The following TCERG1 variants were observed in gnomAD, a reference collection of about 807,000 sequenced individuals.
TCERG1 encodes the protein TATA box binding protein (TBP)-associated factor, RNA polymerase II, S, 150kD.
Under a neutral mutation model 144.7 loss-of-function variants are expected in TCERG1, and 37 were observed. The ratio of observed to expected loss-of-function variants is 0.26; its 90% CI spans 0.20 to 0.34. The LOEUF is 0.34. Among genes scored for constraint, TCERG1 ranks in the 10% least tolerant of loss-of-function variants. TCERG1 has a pLI of 1.00. For synonymous variants in TCERG1, 492 were observed against 458.2 expected, an observed-to-expected ratio of 1.07 and a Z score of -0.94; for missense variants, 1,027 against 1,380.7, an observed-to-expected ratio of 0.74 and a Z score of 4.06.
At chr5:146,467,172 T>G (rs1763871248) in intron 5 of TCERG1, among the ~76,000 whole-genome samples, 1 of 152,192 alleles carries the variant, frequency 6.6e-6, no homozygotes, top group African/African-American at 2.4e-5. Context: ...AAGGTACTTT[T>G]CAATAATTGA....
intron 1 of TCERG1, among the ~76,000 whole-genome samples, chr5:146,449,328 A>C (rs1447015496): frequency 6.6e-6 from 1 of 152,336 alleles, no homozygotes; most frequent in Non-Finnish European, 1.5e-5. Flanking sequence ...AGGTGCTGGT[A>C]ATAGTGCCCT....
chr5:146,469,785 G>A, intron 7 of TCERG1, 41 bp downstream of exon 7: 3 of 1,349,488 alleles, frequency 2.2e-6, no homozygotes, highest in Non-Finnish European at 2.0e-6. Flanking sequence ...AGTATAAACT[G>A]TAATAAGTAG....
intron 17 of TCERG1, chr5:146,503,158 A>G: frequency 3.5e-6 from 1 of 282,026 alleles, no homozygotes; most frequent in Non-Finnish European, 6.5e-6. Flanking sequence ...CAAATTTTAG[A>G]TGAAAGCCTA....
chr5:146,508,023 T>C, intron 21 of TCERG1, 67 bp downstream of exon 21: 1 of 1,100,054 alleles, frequency 9.1e-7, no homozygotes. Context: ...CTAACAGCAC[T>C]ACTATCTTAA....
rs1382227618 is a variant in TCERG1 at position 146,507,829 on chromosome 5, A to AAAAGTGAG, written c.2962-43_2962-36dup. The AAAAGTGAG allele has an allele frequency of 7.1e-7, 1 of 1,417,988 alleles. No individual in the cohort carries two copies. Among genetic ancestry groups the AAAAGTGAG allele is most frequent in the South Asian group, 1.2e-5 (1 of 80,682 alleles). The allele number at this position is 1,417,988 out of a possible 1,614,324, so 87.8% of individuals were successfully genotyped here. On this transcript the variant is annotated intron_variant, in intron 20 of 22. Transcript: ENST00000679501. This position sits in a 1 kb window ranked among gnomAD's most constrained non-coding sequence, Gnocchi z 4.6. ...TGTGCTGCAGTTTGACTCCCTAAGT[A>AAAAGTGAG]AAAGTGAGTTGTATTTATGTTTTTT...
At chr5:146,492,482 T>C (rs192468431) in intron 15 of TCERG1, among the ~76,000 whole-genome samples, 126 of 152,280 alleles carry the variant, frequency 8.3e-4, no homozygotes, top group African/African-American at 2.9e-3. Context: ...GGGGGAAATA[T>C]AGAATAGATG....
chr5:146,462,903 TA>T (rs1763459446), intron 4 of TCERG1, among the ~76,000 whole-genome samples: 1 of 152,202 alleles, frequency 6.6e-6, no homozygotes, highest in African/African-American at 2.4e-5. Flanking sequence ...ATATTAATAG[TA>T]AAATGTGAAA....
intron 15 of TCERG1, among the ~76,000 whole-genome samples, chr5:146,490,190 A>C (rs1345408373): frequency 6.6e-6 from 1 of 152,184 alleles, no homozygotes; most frequent in Non-Finnish European, 1.5e-5. Flanking sequence ...CATGTCTAGC[A>C]GGGGACTGGT....
Position 146,459,024 on chromosome 5 carries a change from C to G in TCERG1, c.579C>G (p.Ala193=). The stretch of plus-strand genomic sequence containing the variant: ...CTCAGGCCCAGGCGCAGGCTCAGGC[C>G]CAGGCGCAGGCTCAGGCCCAGGCAC... ...VQAQAQAQAQ[A]QAQAQAQAQA... is the part of the protein sequence containing the mutation. The change falls in exon 4 of 23, where the codon GCC becomes GCG. Residue 193 remains alanine (A), a synonymous_variant. Coordinates refer to ENST00000679501, the MANE Select transcript of TCERG1 (RefSeq NM_001382548.1). 6.2e-7 allele frequency: 1 copy of G among 1,613,202 alleles called. No homozygotes were observed. Among genetic ancestry groups the G allele is most frequent in the Non-Finnish European group, 8.5e-7 (1 of 1,179,534 alleles).
At chr5:146,501,514 A>G (rs1419187556) in intron 17 of TCERG1, among the ~76,000 whole-genome samples, 1 of 152,214 alleles carries the variant, frequency 6.6e-6, no homozygotes, top group Non-Finnish European at 1.5e-5. Flanking sequence ...AATTGTTTTA[A>G]GCTAATACAA....
intron 2 of TCERG1, among the ~76,000 whole-genome samples, chr5:146,456,528 A>AT (rs1762851580): frequency 6.6e-6 from 1 of 152,202 alleles, no homozygotes; most frequent in African/African-American, 2.4e-5. Flanking sequence ...TAGATATTTT[A>AT]TATAACCTAG....
chr5:146,469,747 A>G lies in TCERG1; in HGVS notation c.1399+3A>G. The G allele has an allele frequency of 6.4e-7, 1 of 1,574,380 alleles. No individual in the cohort carries two copies. Among genetic ancestry groups the G allele is most frequent in the Non-Finnish European group, 8.6e-7 (1 of 1,162,132 alleles). On this transcript the variant is annotated splice_donor_region_variant and intron_variant, in intron 7 of 22. Transcript: ENST00000679501. The stretch of plus-strand genomic sequence containing the variant: ...ACCCCAAGAACTAAAGGAAAAAGGT[A>G]TATAGTGGTTTTAATGACTTGGAAA...
At chr5:146,470,849 T>C (rs1764224063) in intron 8 of TCERG1, 101 bp downstream of exon 8, 2 of 833,348 alleles carry the variant, frequency 2.4e-6, no homozygotes, top group East Asian at 3.1e-5. Context: ...ATAATTGTTA[T>C]AAATTTGATC....
At chr5:146,485,856 G>A (rs1044912694) in intron 15 of TCERG1, among the ~76,000 whole-genome samples, 4 of 151,982 alleles carry the variant, frequency 2.6e-5, no homozygotes, top group African/African-American at 9.7e-5. Flanking sequence ...CACCATGCCC[G>A]GCTAATTTTT....
rs546601229 is a variant in TCERG1 at position 146,459,087 on chromosome 5, G to A, written c.642G>A (p.Gln214=). 4.6e-6 allele frequency: 7 copies of A among 1,523,764 alleles called. No individual in the cohort carries two copies. The highest frequency in any genetic ancestry group is 6.3e-6 in the Non-Finnish European group (7 of 1,107,928). 94.4% of individuals were successfully genotyped at this position (1,523,764 alleles called of 1,614,324 possible). A position where few individuals can be genotyped will look rare whatever the true frequency, so the allele number is the denominator to read the frequency against. The change falls in exon 4 of 23, where the codon CAG becomes CAA. Residue 214 remains glutamine (Q), a synonymous_variant. Coordinates refer to ENST00000679501, the MANE Select transcript of TCERG1 (RefSeq NM_001382548.1). ...QAQAQAQAQA[Q]AQAQAQAQAQ... ...AGGCTCAGGCTCAGGCCCAGGCCCA[G>A]GCCCAGGCCCAGGCCCAGGCCCAAG...
At chr5:146,470,593 A>G in intron 7 of TCERG1, 43 bp from the exon 8 acceptor site, 3 of 1,516,104 alleles carry the variant, frequency 2.0e-6, no homozygotes, top group Non-Finnish European at 2.7e-6. Context: ...TTAGAAAATT[A>G]CGTCAAAACC....
Position 146,498,559 on chromosome 5 carries a change from C to G in TCERG1, c.2306C>G (p.Ala769Gly), listed in dbSNP as rs544878405. The stretch of plus-strand genomic sequence containing the variant: ...AGAGCAACTTTTAGTGAATTTGCAG[C>G]CAAGCATGCTAAAGATTCAAGATTC... ...NPRATFSEFAAKHAKDSRFKA... is the reference protein window; with the variant it reads ...NPRATFSEFAGKHAKDSRFKA... Residue 769 changes from alanine to glycine, a missense_variant, in exon 17 of 23, where the codon GCC becomes GGC. Ala to Gly is a moderately conservative substitution (Grantham distance 60). Transcript: ENST00000679501. The G allele has an allele frequency of 6.2e-7, 1 of 1,603,570 alleles. No individual in the cohort carries two copies. The highest frequency in any genetic ancestry group is 1.3e-5 in the African/African-American group (1 of 74,260).
At position 146,459,143 on chromosome 5, in the gene TCERG1, CACA is replaced by C. The variant is rs1191135150; in HGVS notation, c.700_702del (p.Gln234del). ...GCCCAGGCCCAGGCTCAGGCTCAGG[CACA>C]AGCTCAGGCCCAGGCCCAGGCTCAG... On this transcript the variant is annotated inframe_deletion, in exon 4 of 23. Coordinates refer to ENST00000679501, the MANE Select transcript of TCERG1 (RefSeq NM_001382548.1). The C allele has an allele frequency of 1.4e-5, 22 of 1,610,924 alleles. No individual in the cohort carries two copies. The highest frequency in any genetic ancestry group is 1.9e-5 in the Non-Finnish European group (22 of 1,177,592).
intron 12 of TCERG1, chr5:146,480,588 C>T (rs1765268137): frequency 6.5e-6 from 1 of 153,196 alleles, no homozygotes; most frequent in Non-Finnish European, 1.5e-5. Flanking sequence ...TTAGCTTGGC[C>T]AGTGCTCTAG....
Sources: gnomAD v4.1 joint callset for allele counts (sites outside exome capture counted in the v4.1 genomes callset) on GRCh38, gnomAD v4.1.1 for gene constraint, Gnocchi (gnomAD v3.1) non-coding constraint, MANE v1.5 for transcripts, NCBI Gene and HGNC (gene_info 2026-07-23, HGNC 2026-07-21) for gene names.